Variants in MGST1 observed in about 807,000 individuals in gnomAD.
MGST1 encodes the protein glutathione S-transferase 12.
Under a neutral mutation model 8.9 loss-of-function variants are expected in MGST1, and 5 were observed. The ratio of observed to expected loss-of-function variants is 0.56; its 90% CI spans 0.29 to 1.19. The LOEUF (loss-of-function observed/expected upper bound fraction) is 1.19, where lower values mean the gene tolerates loss of function less well. Among genes scored for constraint, MGST1 ranks in the 50% most tolerant of loss-of-function variants. The pLI, the probability that MGST1 is intolerant of heterozygous loss-of-function variation, is 0.08. For missense variants in MGST1, 182 were observed against 187.4 expected (o/e 0.97, Z 0.17); for synonymous variants, 54 against 67.8 (o/e 0.80, Z 1.00).
chr12:16,432,961 A>G (rs1940952570), intron 1 of MGST1, among the ~76,000 whole-genome samples: 1 of 152,034 alleles, frequency 6.6e-6, no homozygotes, highest in South Asian at 2.1e-4. Flanking sequence ...TAGTGTGTGT[A>G]TTAGTCAGGG....
chr12:16,518,279 C>G (rs971019990), intron 4 of MGST1, among the ~76,000 whole-genome samples: 1 of 152,120 alleles, frequency 6.6e-6, no homozygotes, highest in Admixed American at 6.6e-5. Context: ...TGGAGCCTCT[C>G]CACTCATTCT....
chr12:16,436,647 GA>G (rs564594959), intron 1 of MGST1, among the ~76,000 whole-genome samples: 41 of 152,080 alleles, frequency 2.7e-4, no homozygotes, highest in African/African-American at 8.9e-4. Context: ...TAACATTTAT[GA>G]GTTGCTGTTT....
At position 16,482,656 on chromosome 12, in the gene MGST1, C is replaced by T. The variant is rs7956790; in HGVS notation, n.482+99052C>T. ...GAAGAAAAAAAAAAAAGAGTGAGAA[C>T]ATGTAAAAATGCAAGAACATGTAAA... On this transcript the variant is annotated intron_variant and non_coding_transcript_variant, in intron 4 of 4. Transcript: ENST00000538857. This position sits in a 1 kb window ranked among gnomAD's most constrained non-coding sequence, Gnocchi z 4.2. Among the ~76,000 whole-genome samples, 27,738 of 150,854 alleles carry T rather than the reference C, an allele frequency of 0.18. 2,776 individuals carry two copies. Among genetic ancestry groups the T allele is most frequent in the East Asian group, 0.35 (1,812 of 5,122 alleles).
chr12:16,475,705 A>C (rs1316062348), intron 4 of MGST1, among the ~76,000 whole-genome samples: 1 of 152,120 alleles, frequency 6.6e-6, no homozygotes, highest in African/African-American at 2.4e-5. Flanking sequence ...GCAATTCTGG[A>C]ATGATTAGTG....
At chr12:16,457,006 C>A (rs966133019) in intron 4 of MGST1, among the ~76,000 whole-genome samples, 2 of 151,890 alleles carry the variant, frequency 1.3e-5, no homozygotes, top group African/African-American at 4.8e-5. Context: ...GTGTCCTAAA[C>A]CTGACTTGTC....
chr12:16,388,585 C>T (rs1940524699), intron 1 of MGST1, among the ~76,000 whole-genome samples: 1 of 152,216 alleles, frequency 6.6e-6, no homozygotes, highest in Admixed American at 6.5e-5. Flanking sequence ...ACTGTATTCC[C>T]TGTTTATTAA....
intron 1 of MGST1, among the ~76,000 whole-genome samples, chr12:16,428,365 T>G (rs1355888592): frequency 2.0e-5 from 3 of 151,928 alleles, no homozygotes; most frequent in African/African-American, 7.2e-5. Context: ...TCCTAATTTT[T>G]TTCTGAAAAT....
rs541699982 is a variant in MGST1 at position 16,489,009 on chromosome 12, C to T, written n.483-100519C>T. Among the ~76,000 whole-genome samples, 74 of 152,134 alleles carry T rather than the reference C, an allele frequency of 4.9e-4. No homozygotes were observed. In the South Asian group the frequency reaches 5.8e-3, roughly 12 times the overall value. ...CCTGTAGTCACAGCTACTCAGAAGG[C>T]TGATGTGGGAGGATCCTGTGAACCC... On this transcript the variant is annotated intron_variant and non_coding_transcript_variant, in intron 4 of 4. Transcript: ENST00000538857.
intron 4 of MGST1, among the ~76,000 whole-genome samples, chr12:16,539,447 C>A (rs1441832726): frequency 6.6e-6 from 1 of 151,946 alleles, no homozygotes; most frequent in Non-Finnish European, 1.5e-5. Context: ...ATGTTCTATC[C>A]CAAGATAATT....
At chr12:16,464,270 A>G (rs117793927) in intron 4 of MGST1, among the ~76,000 whole-genome samples, 4,191 of 152,288 alleles carry the variant, frequency 0.028, 86 homozygotes, top group Non-Finnish European at 0.046. Flanking sequence ...GCCCATTTTC[A>G]TGTTATCTAA....
Position 16,398,924 on chromosome 12 carries a change from G to T in MGST1, n.778+15320G>T, listed in dbSNP as rs540159699. ...TTATTAAGGGTCACCTTGTACCACT[G>T]TCTTGGAAATACAGCTTTGAGACAC... On this transcript the variant is annotated intron_variant and non_coding_transcript_variant, in intron 1 of 1. Coordinates refer to the MGST1 transcript ENST00000359720. Among the ~76,000 whole-genome samples the T allele has an allele frequency of 2.6e-5, 4 of 152,342 alleles. No homozygotes were observed. In the East Asian group the frequency reaches 7.7e-4, roughly 29 times the overall value.
chr12:16,480,604 A>G (rs529519529), intron 4 of MGST1, among the ~76,000 whole-genome samples: 21 of 152,266 alleles, frequency 1.4e-4, no homozygotes, highest in Non-Finnish European at 2.8e-4. Context: ...AGAAATAGGT[A>G]AAATATTTAT....
intron 4 of MGST1, among the ~76,000 whole-genome samples, chr12:16,491,130 A>C (rs1941435465): frequency 1.3e-5 from 2 of 152,160 alleles, no homozygotes; most frequent in African/African-American, 2.4e-5. Context: ...TAGGGGTATA[A>C]TTATTTTGAA....
intron 4 of MGST1, among the ~76,000 whole-genome samples, chr12:16,446,675 G>A (rs930673301): frequency 1.3e-5 from 2 of 151,742 alleles, no homozygotes; most frequent in Non-Finnish European, 2.9e-5. Context: ...TTTGTTCTGT[G>A]GCAAACAAAA....
At chr12:16,471,358 C>T (rs1051615921) in intron 4 of MGST1, among the ~76,000 whole-genome samples, 2 of 152,186 alleles carry the variant, frequency 1.3e-5, no homozygotes, top group African/African-American at 4.8e-5. Flanking sequence ...GGTATTCTTA[C>T]ACTATGGTAT....
intron 4 of MGST1, among the ~76,000 whole-genome samples, chr12:16,516,524 T>C (rs1042678571): frequency 3.3e-5 from 5 of 152,220 alleles, no homozygotes; most frequent in African/African-American, 7.2e-5. Context: ...TTTCTTAGTC[T>C]TTCAGACTTT....
intron 3 of MGST1, among the ~76,000 whole-genome samples, chr12:16,359,245 A>T (rs1364357273): frequency 6.6e-6 from 1 of 152,134 alleles, no homozygotes; most frequent in Admixed American, 6.6e-5. Flanking sequence ...CACGCAAGCA[A>T]TGCCCAGTGT....
chr12:16,564,572 A>G (rs558217919), intron 4 of MGST1, among the ~76,000 whole-genome samples: 10 of 152,302 alleles, frequency 6.6e-5, no homozygotes, highest in Middle Eastern at 6.8e-3. Flanking sequence ...CTTTTATTTC[A>G]CAGCACCAGA....
intron 4 of MGST1, among the ~76,000 whole-genome samples, chr12:16,541,277 A>G (rs1941792162): frequency 6.6e-6 from 1 of 152,146 alleles, no homozygotes. Context: ...GAAAAACTTC[A>G]TAGATTAGAA....
Sources: gnomAD v4.1 joint callset for allele counts (sites outside exome capture counted in the v4.1 genomes callset) on GRCh38, gnomAD v4.1.1 for gene constraint, Gnocchi (gnomAD v3.1) non-coding constraint, MANE v1.5 for transcripts, NCBI Gene and HGNC (gene_info 2026-07-23, HGNC 2026-07-21) for gene names.